FRYL: variants seen among roughly 807,000 people sequenced by gnomAD.
The protein encoded by FRYL is FRY like transcription coactivator.
A neutral mutation model predicts 351.2 loss-of-function variants in FRYL; 150 were observed. That is an observed-to-expected ratio of 0.43 (90% CI 0.37 to 0.49). The LOEUF is 0.49. Among genes scored for constraint, FRYL ranks in the 20% least tolerant of loss-of-function variants. The pLI is 0.00. For missense variants in FRYL, 3,036 were observed against 3,619.3 expected, an observed-to-expected ratio of 0.84 and a Z score of 4.13; for synonymous variants, 1,153 against 1,257.1, an observed-to-expected ratio of 0.92 and a Z score of 1.75.
At chr4:48,521,351 C>A in intron 54 of FRYL, 136 bp from the exon 55 acceptor site, 1 of 633,746 alleles carries the variant, frequency 1.6e-6, no homozygotes, top group Non-Finnish European at 2.6e-6. Flanking sequence ...TTCTTTCCTT[C>A]CAGTCTACAC....
chr4:48,596,047 A>T (rs374074494), intron 13 of FRYL, 47 bp from the exon 14 acceptor site: 2 of 1,205,310 alleles, frequency 1.7e-6, no homozygotes, highest in East Asian at 4.8e-5. Context: ...ACTTGCAATC[A>T]CTTAACAGCA....
intron 57 of FRYL, 127 bp from the exon 58 acceptor site, chr4:48,511,111 T>G: frequency 1.8e-6 from 1 of 549,704 alleles, no homozygotes; most frequent in Admixed American, 3.8e-5. Flanking sequence ...ACTTTAATCA[T>G]TGATCTATAA....
chr4:48,632,549 A>G (rs1235167446), intron 4 of FRYL, among the ~76,000 whole-genome samples: 2 of 150,552 alleles, frequency 1.3e-5, no homozygotes, highest in Non-Finnish European at 3.0e-5. Context: ...TATATTAATA[A>G]TATATATGCT....
Position 48,589,884 on chromosome 4 carries a change from GA to G in FRYL, c.1508-8del. ...GGATAGTAAACTGACATTCCTAGGG[GA>G]AAAAACTTCACAGTTATAAAATATC... is the stretch of plus-strand genomic sequence containing the variant. On this transcript the variant is annotated splice_polypyrimidine_tract_variant and splice_region_variant and intron_variant, in intron 17 of 63. Coordinates refer to ENST00000358350, the MANE Select transcript of FRYL (RefSeq NM_015030.2). 6.2e-7 allele frequency: 1 copy of G among 1,602,700 alleles called. No homozygotes were observed. Among genetic ancestry groups the G allele is most frequent in the Non-Finnish European group, 8.5e-7 (1 of 1,173,342 alleles).
intron 8 of FRYL, among the ~76,000 whole-genome samples, 155 bp from the exon 9 acceptor site, chr4:48,609,222 A>T (rs1375718388): frequency 6.6e-6 from 1 of 152,144 alleles, no homozygotes; most frequent in East Asian, 1.9e-4. Flanking sequence ...TTCTATCTTC[A>T]ATTTTACTTT....
intron 3 of FRYL, among the ~76,000 whole-genome samples, chr4:48,640,305 C>A (rs1755073450): frequency 6.6e-6 from 1 of 151,964 alleles, no homozygotes; most frequent in African/African-American, 2.4e-5. Context: ...TATATTCAGA[C>A]AATGAAATAT....
intron 4 of FRYL, among the ~76,000 whole-genome samples, chr4:48,633,941 G>A (rs1753750356): frequency 6.6e-6 from 1 of 152,094 alleles, no homozygotes; most frequent in African/African-American, 2.4e-5. Context: ...ATCAAATAGA[G>A]CTTCTCACAT....
rs573936879 is a variant in FRYL at position 48,611,284 on chromosome 4, CTAT to C, written c.412-1464_412-1462del. Among the ~76,000 whole-genome samples, 715 of 151,818 alleles carry C rather than the reference CTAT, an allele frequency of 4.7e-3. 2 individuals carry two copies. The highest frequency in any genetic ancestry group is 7.2e-3 in the Non-Finnish European group (488 of 67,876). On this transcript the variant is annotated intron_variant, in intron 7 of 63. Coordinates refer to ENST00000358350, the MANE Select transcript of FRYL (RefSeq NM_015030.2). The stretch of plus-strand genomic sequence containing the variant: ...ATAAATAGTTGTTATACTGTATTTC[CTAT>C]TATTTTTTATTATTGTATTGTTACT...
chr4:48,742,973 A>ATTTTTTTTTTTTT (rs71191256), intron 1 of FRYL, among the ~76,000 whole-genome samples: 1,239 of 81,616 alleles, frequency 0.015, 157 homozygotes, highest in East Asian at 0.042. Context: ...CGCCTGGATA[A>ATTTTTTTTTTTTT]TTTTTTTTTT....
intron 50 of FRYL, among the ~76,000 whole-genome samples, chr4:48,530,791 C>G (rs1195492412): frequency 6.6e-6 from 1 of 152,188 alleles, no homozygotes; most frequent in Non-Finnish European, 1.5e-5. Context: ...TCTTTCAACA[C>G]TCAGCTCAGA....
chr4:48,743,074 C>G (rs1292239603), intron 1 of FRYL, among the ~76,000 whole-genome samples: 1 of 147,854 alleles, frequency 6.8e-6, no homozygotes, highest in Admixed American at 7.0e-5. Context: ...CTGACTCAGC[C>G]TCCCAAAGTG....
At chr4:48,609,702 T>C (rs779967993) in intron 8 of FRYL, 42 bp downstream of exon 8, 7 of 952,110 alleles carry the variant, frequency 7.4e-6, no homozygotes, top group African/African-American at 3.3e-5. Flanking sequence ...TAGACCTGGA[T>C]TGCAAAAAAA....
chr4:48,617,820 T>G (rs1190155522), intron 7 of FRYL: 1 of 152,192 alleles, frequency 6.6e-6, no homozygotes, highest in Non-Finnish European at 1.5e-5. Flanking sequence ...CCATGGGAAA[T>G]GAACGAAGGA....
At chr4:48,580,634 T>C in intron 22 of FRYL, 1 of 402,394 alleles carries the variant, frequency 2.5e-6, no homozygotes, top group Non-Finnish European at 4.4e-6. Context: ...GGATGAGAAT[T>C]TTACAAACAT....
chr4:48,771,093 C>T (rs539662136), intron 1 of FRYL, among the ~76,000 whole-genome samples: 2 of 152,306 alleles, frequency 1.3e-5, no homozygotes, highest in African/African-American at 4.8e-5. Context: ...TCTACTGTAT[C>T]ATTCCTAAGG....
At position 48,510,891 on chromosome 4, in the gene FRYL, A is replaced by G. The variant is rs1214727352; in HGVS notation, c.8239T>C (p.Leu2747=). 8 of 1,613,164 alleles carry G rather than the reference A, an allele frequency of 5.0e-6. No homozygotes were observed. The highest frequency in any genetic ancestry group is 6.8e-6 in the Non-Finnish European group (8 of 1,179,428). Residue 2747 remains leucine, a synonymous_variant, in exon 58 of 64, where the codon TTG becomes CTG. Transcript: ENST00000358350. ...TCTGAACACAGCATCATCACTTCCA[A>G]GGAACTTTTAAATTTGGTACCAATG... ...QRIGTKFKSS[L]EVMMLCSECP...
chr4:48,713,734 A>T (rs1336720771), intron 1 of FRYL, among the ~76,000 whole-genome samples: 4 of 152,028 alleles, frequency 2.6e-5, no homozygotes, highest in Non-Finnish European at 2.9e-5. Context: ...TTAACAAGGA[A>T]ACCCAGGAAT....
chr4:48,632,106 A>ATATATG (rs1452946074), intron 4 of FRYL, among the ~76,000 whole-genome samples: 1,889 of 57,846 alleles, frequency 0.033, 88 homozygotes, highest in African/African-American at 0.068. Context: ...ATATATATAT[A>ATATATG]TATATATATA....
chr4:48,554,000 G>A (rs1466554979), intron 35 of FRYL, among the ~76,000 whole-genome samples: 1 of 152,174 alleles, frequency 6.6e-6, no homozygotes, highest in Non-Finnish European at 1.5e-5. Flanking sequence ...AAGATTAAAT[G>A]AGTTAAGGTT....
Sources: allele counts gnomAD v4.1 joint callset (sites outside exome capture counted in the v4.1 genomes callset), GRCh38; gene constraint gnomAD v4.1.1; transcripts MANE v1.5; gene names NCBI Gene and HGNC (gene_info 2026-07-23, HGNC 2026-07-21).